The following EHMT2 variants were observed in gnomAD, a reference collection of about 807,000 sequenced individuals.
EHMT2 encodes the protein euchromatic histone lysine methyltransferase 2.
Under a neutral mutation model 143.3 loss-of-function variants are expected in EHMT2, and 59 were observed. The observed-to-expected ratio is 0.41, with a 90% CI of 0.33 to 0.51. The LOEUF is 0.51. EHMT2 is among the 20% of genes least tolerant of loss of function. EHMT2 has a pLI of 0.18. For synonymous variants in EHMT2, 604 were observed against 651.5 expected (o/e 0.93, Z 1.11); for missense variants, 1,174 against 1,645.9 (o/e 0.71, Z 4.96).
intron 15 of EHMT2, 41 bp from the exon 16 acceptor site, chr6:31,887,142 G>A (rs768211332): frequency 3.3e-6 from 5 of 1,536,714 alleles, no homozygotes; most frequent in East Asian, 2.3e-5. Flanking sequence ...GGAGGGACAA[G>A]TGGTAAGCAA....
At chr6:31,882,310 A>C (rs991075481) in intron 25 of EHMT2, among the ~76,000 whole-genome samples, 6 of 152,142 alleles carry the variant, frequency 3.9e-5, no homozygotes, top group African/African-American at 9.7e-5. Flanking sequence ...AATAAGGCTC[A>C]AAGAGGTTAA....
At position 31,889,339 on chromosome 6, in the gene EHMT2, C is replaced by T. The variant is rs564375036; in HGVS notation, c.1003G>A (p.Gly335Ser). 1 of 1,611,984 alleles carries T rather than the reference C, an allele frequency of 6.2e-7. No homozygotes were observed. Among genetic ancestry groups the T allele is most frequent in the African/African-American group, 1.3e-5 (1 of 75,012 alleles). Residue 335 changes from glycine to serine, a missense_variant, in exon 9 of 28, where the codon GGT becomes AGT. Gly to Ser is a moderately conservative substitution (Grantham distance 56). This residue lies in a region of EHMT2 where 608 missense variants were observed against 903.7 expected (regional missense o/e 0.67). Transcript: ENST00000375537. This position sits in a 1 kb window ranked among gnomAD's most constrained non-coding sequence, Gnocchi z 5.1. ...TTGGCCTTGCGCCGGCCACTGGAAC[C>T]ACTCTGGGAAGGGGGAGGAGGAGGA...
rs775462474 is a variant in EHMT2 at position 31,880,657 on chromosome 6, A to G, written c.3452+16T>C. 4.2e-5 allele frequency: 68 copies of G among 1,610,636 alleles called. No individual in the cohort carries two copies. The highest frequency in any genetic ancestry group is 5.6e-5 in the Non-Finnish European group (66 of 1,178,630). Reference sequence around the variant, plus strand: ...CCACCCCCTGGCAGAGCCCCTAGAGACCCCTAGAGTCTCACCCTAGCTCCT... The same window carrying G: ...CCACCCCCTGGCAGAGCCCCTAGAGGCCCCTAGAGTCTCACCCTAGCTCCT... On this transcript the variant is annotated intron_variant, in intron 27 of 27. Coordinates refer to ENST00000375537, the Ensembl canonical transcript of EHMT2. The surrounding 1 kb of genome is among the most constrained non-coding windows in gnomAD (Gnocchi z 6.6).
chr6:31,887,667 G>C lies in EHMT2; in HGVS notation c.1929-8C>G. Reference sequence around the variant, plus strand: ...AAACGGAGCTTCTTCCGCCTGCCAAGGGAGCACGGGAGCGGGGAGAGAAGG... The same window carrying C: ...AAACGGAGCTTCTTCCGCCTGCCAACGGAGCACGGGAGCGGGGAGAGAAGG... On this transcript the variant is annotated splice_region_variant and splice_polypyrimidine_tract_variant and intron_variant, in intron 14 of 27. Transcript: ENST00000375537. The C allele has an allele frequency of 6.2e-7, 1 of 1,612,604 alleles. No homozygotes were observed. The highest frequency in any genetic ancestry group is 1.3e-5 in the African/African-American group (1 of 75,060).
Position 31,888,026 on chromosome 6 carries a change from G to C in EHMT2, c.1745+15C>G, listed in dbSNP as rs781757899. ...GGGGGAGGGAACAGACAGTACAGAA[G>C]GGGGAGGCCAGTACCTGGGCTGAGA... On this transcript the variant is annotated intron_variant, in intron 13 of 27. Transcript: ENST00000375537. The surrounding 1 kb of genome is among the most constrained non-coding windows in gnomAD (Gnocchi z 7.4). 7 of 1,572,566 alleles carry C rather than the reference G, an allele frequency of 4.5e-6. No individual in the cohort carries two copies. The highest frequency in any genetic ancestry group is 1.3e-5 in the African/African-American group (1 of 74,246).
At position 31,883,375 on chromosome 6, in the gene EHMT2, C is replaced by T; in HGVS notation, c.2981G>A (p.Cys994Tyr). Reference sequence around the variant, plus strand: ...AGGGGCACGCACCTTGTCATACCAGCACCGGATGCTGAGCTGGCCGCACAG... The same window carrying T: ...AGGGGCACGCACCTTGTCATACCAGTACCGGATGCTGAGCTGGCCGCACAG... Residue 994 changes from cysteine (C) to tyrosine (Y), a missense_variant, in exon 23 of 28, where the codon TGC becomes TAC. Cys to Tyr is a radical substitution (Grantham distance 194). Transcript: ENST00000375537. This position sits in a 1 kb window ranked among gnomAD's most constrained non-coding sequence, Gnocchi z 5.6. 6.2e-7 allele frequency: 1 copy of T among 1,612,964 alleles called. No homozygotes were observed. Among genetic ancestry groups the T allele is most frequent in the Non-Finnish European group, 8.5e-7 (1 of 1,179,970 alleles).
At position 31,884,668 on chromosome 6, in the gene EHMT2, C is replaced by T. The variant is rs369594083; in HGVS notation, c.2580G>A (p.Arg860=). 163 of 1,580,766 alleles carry T rather than the reference C, an allele frequency of 1.0e-4. No homozygotes were observed. The highest frequency in any genetic ancestry group is 1.4e-4 in the Non-Finnish European group (157 of 1,160,008). Residue 860 remains arginine, a synonymous_variant, in exon 20 of 28, where the codon CGG becomes CGA. Transcript: ENST00000375537. The surrounding 1 kb of genome is among the most constrained non-coding windows in gnomAD (Gnocchi z 7.3). The stretch of plus-strand genomic sequence containing the variant: ...ACAGCACGCAGTCATGGTAGCTCTC[C>T]CGAGCTGCGATGTGCAGGGGGGTGT...
chr6:31,897,404 G>A (rs1275885895), intron 1 of EHMT2, among the ~76,000 whole-genome samples: 4 of 149,446 alleles, frequency 2.7e-5, no homozygotes, highest in Non-Finnish European at 6.0e-5. Context: ...GGGCCCCGGC[G>A]CCCGTCGCCC....
exon 4 of EHMT2, chr6:31,896,473 A>G: frequency 6.2e-7 from 1 of 1,612,822 alleles, no homozygotes; most frequent in East Asian, 2.2e-5. Flanking sequence ...TAGGACAGGA[A>G]CCCCCCTTGC....
In EHMT2 at chr6:31,889,533, C is replaced by G; in HGVS notation, c.934G>C (p.Glu312Gln). The stretch of plus-strand genomic sequence containing the variant: ...TCTTCCTCTTCCTCCTCCTCTTCCT[C>G]TTCTTCTTCTTCCTCCTCTTCCTCC... The change falls in exon 8 of 28, where the codon GAG becomes CAG. Residue 312 changes from glutamate to glutamine, a missense_variant. This residue lies in a region of EHMT2 where 399 missense variants were observed against 404.4 expected (regional missense o/e 0.99). Coordinates refer to ENST00000375537, the Ensembl canonical transcript of EHMT2. This position sits in a 1 kb window ranked among gnomAD's most constrained non-coding sequence, Gnocchi z 5.1. 6.2e-7 allele frequency: 1 copy of G among 1,608,672 alleles called. No homozygotes were observed. Among genetic ancestry groups the G allele is most frequent in the South Asian group, 1.1e-5 (1 of 91,002 alleles).
At position 31,896,488 on chromosome 6, in the gene EHMT2, G is replaced by A. The variant is rs557553883; in HGVS notation, c.357C>T (p.Ser119=). ...TAGGACAGGAACCCCCCTTGCTGGG[G>A]GAAGAGGGGAATGACTTTGTGGCAT... The change falls in exon 4 of 28, where the codon TCC becomes TCT. Residue 119 remains serine, a synonymous_variant. Coordinates refer to ENST00000375537, the Ensembl canonical transcript of EHMT2. 3.7e-5 allele frequency: 60 copies of A among 1,612,992 alleles called. No individual in the cohort carries two copies. In the South Asian group the frequency reaches 6.0e-4, roughly 16 times the overall value.
intron 7 of EHMT2, among the ~76,000 whole-genome samples, chr6:31,890,012 A>G (rs1765476886): frequency 6.6e-6 from 1 of 152,194 alleles, no homozygotes; most frequent in Admixed American, 6.5e-5. Flanking sequence ...CAATCTTATC[A>G]CTAACAAGAA....
chr6:31,893,177 G>T, intron 4 of EHMT2: 1 of 530,618 alleles, frequency 1.9e-6, no homozygotes, highest in Non-Finnish European at 3.3e-6. Context: ...AAAGTTAAAA[G>T]ACCTTTTATA....
chr6:31,893,177 G>A (rs1765924563), intron 4 of EHMT2: 1 of 530,500 alleles, frequency 1.9e-6, no homozygotes, highest in East Asian at 3.1e-5. Flanking sequence ...AAAGTTAAAA[G>A]ACCTTTTATA....
Position 31,881,180 on chromosome 6 carries a change from A to G in EHMT2, c.3198-88T>C. 1.7e-6 allele frequency: 2 copies of G among 1,187,260 alleles called. No individual in the cohort carries two copies. The highest frequency in any genetic ancestry group is 2.1e-4 in the Middle Eastern group (1 of 4,800). 73.5% of individuals were successfully genotyped at this position (1,187,260 alleles called of 1,614,324 possible). On this transcript the variant is annotated intron_variant, in intron 25 of 27. Coordinates refer to ENST00000375537, the Ensembl canonical transcript of EHMT2. The surrounding 1 kb of genome is among the most constrained non-coding windows in gnomAD (Gnocchi z 4.8). ...CCCATCTCTCTTCACAAGCCTGTGG[A>G]ATCTGGAATGGGCAGGGCTGGCAGG...
chr6:31,889,653 A>G lies in EHMT2; in HGVS notation c.865-51T>C, dbSNP rs111962953. 5,007 of 1,601,104 alleles carry G rather than the reference A, an allele frequency of 3.1e-3. 24 individuals are homozygous for G. Among genetic ancestry groups the G allele is most frequent in the African/African-American group, 0.014 (1,076 of 74,904 alleles). On this transcript the variant is annotated intron_variant, in intron 7 of 27. Coordinates refer to ENST00000375537, the Ensembl canonical transcript of EHMT2. This position sits in a 1 kb window ranked among gnomAD's most constrained non-coding sequence, Gnocchi z 5.1. ...TCCAACCCCCAGGACTCAGACAATG[A>G]GGTGAGTAAAGAAAACCACCACCAC...
At position 31,882,883 on chromosome 6, in the gene EHMT2, C is replaced by T. The variant is rs1764295003; in HGVS notation, c.3110+11G>A. The T allele has an allele frequency of 6.2e-7, 1 of 1,612,372 alleles. No homozygotes were observed. Among genetic ancestry groups the T allele is most frequent in the Non-Finnish European group, 8.5e-7 (1 of 1,179,436 alleles). On this transcript the variant is annotated intron_variant, in intron 24 of 27. Transcript: ENST00000375537. The stretch of plus-strand genomic sequence containing the variant: ...GGTGGGGAGAGGGTGGGCTGTGGAG[C>T]AGGGCCTCACTTGATGCCACTCTGT...
chr6:31,890,735 G>A (rs56408214), intron 7 of EHMT2, among the ~76,000 whole-genome samples: 1 of 149,520 alleles, frequency 6.7e-6, no homozygotes, highest in African/African-American at 2.4e-5. Flanking sequence ...CATGGTGGTG[G>A]GTGCCTGTAA....
At chr6:31,887,130 A>G (rs1227057514) in intron 15 of EHMT2, 29 bp from the exon 16 acceptor site, 1 of 1,564,892 alleles carries the variant, frequency 6.4e-7, no homozygotes, top group Non-Finnish European at 8.7e-7. Flanking sequence ...ACACCGGGAG[A>G]GGGAGGGACA....
Sources: gnomAD v4.1 joint callset for allele counts (sites outside exome capture counted in the v4.1 genomes callset) on GRCh38, gnomAD v4.1.1 for gene constraint, gnomAD v4.1.1 regional missense constraint, Gnocchi (gnomAD v3.1) non-coding constraint, MANE v1.5 for transcripts, NCBI Gene and HGNC (gene_info 2026-07-23, HGNC 2026-07-21) for gene names.